HP: variants seen among roughly 807,000 people sequenced by gnomAD.
HP encodes haptoglobin.
In HP, 9 loss-of-function variants were observed where a neutral mutation model predicts 23.2. The observed-to-expected ratio is 0.39, with a 90% CI of 0.23 to 0.68. The LOEUF (loss-of-function observed/expected upper bound fraction) is 0.68, where lower values mean the gene tolerates loss of function less well. HP is among the 30% of genes least tolerant of loss of function. The pLI is 0.47. For missense variants in HP, 433 were observed against 483.6 expected (o/e 0.90, Z 0.98); for synonymous variants, 155 against 183.3 (o/e 0.85, Z 1.25).
chr16:72,056,044 A>AGT (rs749390680), intron 1 of HP, 117 bp from the exon 2 acceptor site: 3 of 1,461,014 alleles, frequency 2.1e-6, no homozygotes, highest in African/African-American at 2.8e-5. Flanking sequence ...AAGTGGGAGG[A>AGT]GTGTGTGTGT....
Position 72,060,533 on chromosome 16 carries a change from C to G in HP, c.864C>G (p.Ala288=). 6.2e-7 allele frequency: 1 copy of G among 1,614,094 alleles called. No homozygotes were observed. The highest frequency in any genetic ancestry group is 8.5e-7 in the Non-Finnish European group (1 of 1,180,030). The change falls in exon 7 of 7, where the codon GCC becomes GCG. Residue 288 remains alanine, a synonymous_variant. Transcript: ENST00000355906. ...ATGTTTCTGGCTGGGGGCGAAATGCCAATTTTAAATTTACTGACCATCTGA... is the reference window on the plus strand; with the variant it reads ...ATGTTTCTGGCTGGGGGCGAAATGCGAATTTTAAATTTACTGACCATCTGA... The part of the protein sequence containing the change: ...VGYVSGWGRN[A]NFKFTDHLKY...
chr16:72,059,208 G>A lies in HP; in HGVS notation c.442+20G>A. On this transcript the variant is annotated intron_variant, in intron 6 of 6. Transcript: ENST00000355906. The stretch of plus-strand genomic sequence containing the variant: ...AAGCAGGTGGGTGCTGAGCACTTAA[G>A]AGAGCAGGCAGGCGTCCAGCGGGGA... 3 of 1,564,620 alleles carry A rather than the reference G, an allele frequency of 1.9e-6. No individual in the cohort carries two copies. Among genetic ancestry groups the A allele is most frequent in the Non-Finnish European group, 2.6e-6 (3 of 1,147,958 alleles).
At chr16:72,059,925 A>C in intron 6 of HP, 187 bp from the exon 7 acceptor site, 1 of 1,346,200 alleles carries the variant, frequency 7.4e-7, no homozygotes, top group South Asian at 1.6e-5. Flanking sequence ...TGTAATGTAA[A>C]CAATTTAAAA....
In HP at chr16:72,060,159, G is replaced by T; in HGVS notation, c.490G>T (p.Gly164Cys). ...GGCAAACCCAGTGCAGCGGATCCTG[G>T]GTGGACACCTGGATGCCAAAGGCAG... is the stretch of plus-strand genomic sequence containing the variant. ...NPANPVQRILGGHLDAKGSFP... is the reference protein window; with the variant it reads ...NPANPVQRILCGHLDAKGSFP... Residue 164 changes from glycine to cysteine, a missense_variant, in exon 7 of 7, where the codon GGT becomes TGT. Physicochemically the swap from Gly to Cys is radical, Grantham distance 159 (BLOSUM62 -3). Around this residue, in one of 3 missense-constraint regions of HP, gnomAD observed 326 missense variants for 358.1 expected, o/e 0.91. Transcript: ENST00000355906. 6.2e-7 allele frequency: 1 copy of T among 1,613,842 alleles called. No individual in the cohort carries two copies.
intron 6 of HP, 35 bp from the exon 7 acceptor site, chr16:72,060,077 A>G (rs1180657729): frequency 6.2e-7 from 1 of 1,604,532 alleles, no homozygotes; most frequent in African/African-American, 1.3e-5. Context: ...GCTCTTGCAC[A>G]TTTCCACTCA....
chr16:72,059,390 A>T, intron 6 of HP: 1 of 747,806 alleles, frequency 1.3e-6, no homozygotes, highest in Admixed American at 2.7e-5. Context: ...TAGGGCCTGA[A>T]GGGCACTGGC....
Position 72,056,005 on chromosome 16 carries a change from C to G in HP, c.6-156C>G, listed in dbSNP as rs1347916314. On this transcript the variant is annotated intron_variant, in intron 1 of 6. Coordinates refer to ENST00000355906, the MANE Select transcript of HP (RefSeq NM_005143.5). ...GGGCAATTTCTTGGTCCTAGCACTTCCATATATCGACTTTCTTTTCTGGCT... is the reference window on the plus strand; with the variant it reads ...GGGCAATTTCTTGGTCCTAGCACTTGCATATATCGACTTTCTTTTCTGGCT... 12 of 1,309,270 alleles carry G rather than the reference C, an allele frequency of 9.2e-6. 2 individuals are homozygous for G. Among genetic ancestry groups the G allele is most frequent in the Middle Eastern group, 4.3e-4 (2 of 4,628 alleles). The allele number at this position is 1,309,270 out of a possible 1,614,324, so 81.1% of individuals were successfully genotyped here.
At position 72,060,917 on chromosome 16, in the gene HP, T is replaced by C. The variant is rs778398109; in HGVS notation, c.*27T>C. 3.8e-5 allele frequency: 59 copies of C among 1,540,980 alleles called. No individual in the cohort carries two copies. The highest frequency in any genetic ancestry group is 5.1e-5 in the Non-Finnish European group (58 of 1,144,678). Reference sequence around the variant, plus strand: ...GCAAGGCTGGCCGGAAGCCCTTGCCTGAAAGCAAGATTTCAGCCTGGAAGA... The same window carrying C: ...GCAAGGCTGGCCGGAAGCCCTTGCCCGAAAGCAAGATTTCAGCCTGGAAGA... On this transcript the variant is annotated 3_prime_UTR_variant, in exon 7 of 7. Transcript: ENST00000355906.
rs772006915 is a variant in HP, at chr16:72,058,258, C to T, written c.270C>T (p.Asp90=). 15 of 976,292 alleles carry T rather than the reference C, an allele frequency of 1.5e-5. 2 individuals carry two copies. The highest frequency in any genetic ancestry group is 6.1e-5 in the African/African-American group (2 of 32,788). The allele number at this position is 976,292 out of a possible 1,614,324, so 60.5% of individuals were successfully genotyped here. A position where few individuals can be genotyped will look rare whatever the true frequency, so the allele number is the denominator to read the frequency against. Residue 90 remains aspartate (D), a synonymous_variant, in exon 5 of 7, where the codon GAC becomes GAT. Transcript: ENST00000355906. Reference sequence around the variant, plus strand: ...CTGGCTTCTCTCTCTTTGCAGATGACGGCTGCCCGAAGCCCCCCGAGATTG... The same window carrying T: ...CTGGCTTCTCTCTCTTTGCAGATGATGGCTGCCCGAAGCCCCCCGAGATTG... ...GDKLPECEAD[D]GCPKPPEIAH...
intron 1 of HP, 173 bp from the exon 2 acceptor site, chr16:72,055,988 T>A: frequency 8.4e-7 from 1 of 1,190,676 alleles, no homozygotes; most frequent in Non-Finnish European, 1.2e-6. Flanking sequence ...GGGGGCAATT[T>A]CTTGGTCCTA....
At chr16:72,056,696 G>C (rs1351239177) in intron 3 of HP, 65 bp downstream of exon 3, 75 of 659,676 alleles carry the variant, frequency 1.1e-4, no homozygotes, top group Non-Finnish European at 1.7e-4. Context: ...TTCCATGATG[G>C]GTGGTGCTGA....
In HP at chr16:72,056,278, C is replaced by G. The variant is rs77507186; in HGVS notation, c.88+35C>G. On this transcript the variant is annotated intron_variant, in intron 2 of 6. Transcript: ENST00000355906. The stretch of plus-strand genomic sequence containing the variant: ...TGGTTGGGTAGGAGTGTGCATCCCA[C>G]TCTGACCCTCTCGGGTCTGCACTCT... 11,418 of 1,596,004 alleles carry G rather than the reference C, an allele frequency of 7.2e-3. 650 individuals carry two copies. The African/African-American group carries it at 0.13, about 19-fold the overall frequency.
intron 3 of HP, 176 bp downstream of exon 3, chr16:72,056,807 CTT>C (rs1272559934): frequency 7.1e-5 from 27 of 381,772 alleles, no homozygotes; most frequent in Admixed American, 4.2e-4. Context: ...GGCAGACTAA[CTT>C]TTGTCAGCCT....
intron 5 of HP, 22 bp from the exon 6 acceptor site, chr16:72,059,092 C>G: frequency 1.3e-6 from 2 of 1,560,732 alleles, no homozygotes; most frequent in Non-Finnish European, 1.7e-6. Context: ...TCCTTTGGCT[C>G]ACTTCTTGCC....
In HP at chr16:72,060,561, T is replaced by A. The variant is rs191967416; in HGVS notation, c.892T>A (p.Tyr298Asn). 3.3e-5 allele frequency: 54 copies of A among 1,614,110 alleles called. No homozygotes were observed. In the Admixed American group the frequency reaches 6.7e-4, roughly 20 times the overall value. The stretch of plus-strand genomic sequence containing the variant: ...TTTTAAATTTACTGACCATCTGAAG[T>A]ATGTCATGCTGCCTGTGGCTGACCA... The part of the protein sequence containing the change: ...ANFKFTDHLK[Y>N]VMLPVADQDQ... The change falls in exon 7 of 7, where the codon TAT (tyrosine) becomes AAT (asparagine). Residue 298 changes from tyrosine (Y) to asparagine (N), a missense_variant. Transcript: ENST00000355906.
Position 72,059,146 on chromosome 16 carries a change from A to G in HP, c.400A>G (p.Ile134Val), listed in dbSNP as rs1453730585. 6.4e-7 allele frequency: 1 copy of G among 1,565,626 alleles called. No homozygotes were observed. Among genetic ancestry groups the G allele is most frequent in the Non-Finnish European group, 8.7e-7 (1 of 1,149,120 alleles). Reference protein sequence around the residue: ...VYTLNNEKQWINKAVGDKLPE... With the variant: ...VYTLNNEKQWVNKAVGDKLPE... ...CACCTTAAACAATGAGAAGCAGTGG[A>G]TAAATAAGGCTGTTGGAGATAAACT... Residue 134 changes from isoleucine to valine, a missense_variant, in exon 6 of 7, where the codon ATA (isoleucine) becomes GTA (valine). Ile to Val is a conservative substitution (Grantham distance 29). Coordinates refer to ENST00000355906, the MANE Select transcript of HP (RefSeq NM_005143.5).
chr16:72,056,065 G>A (rs1567583060), intron 1 of HP, 96 bp from the exon 2 acceptor site: 18 of 1,504,824 alleles, frequency 1.2e-5, no homozygotes, highest in Non-Finnish European at 1.7e-5. Context: ...ATGCATGTGT[G>A]TGTGTGTGTG....
In HP at chr16:72,060,994, A is replaced by C; in HGVS notation, c.*104A>C. 7.4e-7 allele frequency: 1 copy of C among 1,348,814 alleles called. No homozygotes were observed. Among genetic ancestry groups the C allele is most frequent in the Non-Finnish European group, 1.0e-6 (1 of 995,326 alleles). The allele number at this position is 1,348,814 out of a possible 1,614,324, so 83.6% of individuals were successfully genotyped here. ...AGTGGATGCGATAAGATGTGGTTTG[A>C]AGCTGATGGGTGCCAGCCCTGCATT... On this transcript the variant is annotated 3_prime_UTR_variant, in exon 7 of 7. Coordinates refer to ENST00000355906, the MANE Select transcript of HP (RefSeq NM_005143.5).
intron 6 of HP, chr16:72,059,888 G>C (rs2041513644): frequency 9.3e-6 from 10 of 1,074,876 alleles, no homozygotes; most frequent in Non-Finnish European, 1.3e-5. Context: ...CACTTCCTTT[G>C]TTAGAAAAGT....
Sources: gnomAD v4.1 joint callset for allele counts on GRCh38, gnomAD v4.1.1 for gene constraint, gnomAD v4.1.1 regional missense constraint, MANE v1.5 for transcripts, NCBI Gene and HGNC (gene_info 2026-07-23, HGNC 2026-07-21) for gene names.